The following SMIM19 variants were observed in gnomAD, a reference collection of about 807,000 sequenced individuals.
SMIM19 encodes the protein UPF0697 protein C8orf40.
SMIM19 carries 6 observed loss-of-function variants against 13.2 expected under a neutral mutation model. That is an observed-to-expected ratio of 0.45 (90% CI 0.25 to 0.90). The LOEUF (loss-of-function observed/expected upper bound fraction) is 0.90, where lower values mean the gene tolerates loss of function less well. Among genes scored for constraint, SMIM19 ranks in the 40% least tolerant of loss-of-function variants. The probability of loss-of-function intolerance (pLI) is 0.19; values close to 1 mark genes in which losing one functional copy is unlikely to be tolerated. For missense variants in SMIM19, 138 were observed against 131.0 expected (o/e 1.05, Z -0.26); for synonymous variants, 46 against 43.1 (o/e 1.07, Z -0.27).
Position 42,553,373 on chromosome 8 carries a change from C to T in SMIM19, c.*765C>T, listed in dbSNP as rs1466580346. 1 of 152,204 alleles carries T rather than the reference C, an allele frequency of 6.6e-6. No individual in the cohort carries two copies. Among genetic ancestry groups the T allele is most frequent in the Non-Finnish European group, 1.5e-5 (1 of 68,066 alleles). 9.4% of individuals were successfully genotyped at this position (152,204 alleles called of 1,614,324 possible). A position where few individuals can be genotyped will look rare whatever the true frequency, so the allele number is the denominator to read the frequency against. ...TTCTACCAGGTAGCTCTACTTTAGG[C>T]CATACTGGGGACCTGCTGTTGAATA... On this transcript the variant is annotated 3_prime_UTR_variant, in exon 4 of 4. Coordinates refer to ENST00000417410, the MANE Select transcript of SMIM19 (RefSeq NM_001135674.2).
intron 1 of SMIM19, among the ~76,000 whole-genome samples, chr8:42,544,077 C>T (rs1813389200): frequency 6.6e-6 from 1 of 152,158 alleles, no homozygotes; most frequent in Admixed American, 6.5e-5. Context: ...CAGAGGAACT[C>T]TGGAATTTAG....
intron 2 of SMIM19, chr8:42,548,402 G>C: frequency 1.9e-6 from 1 of 529,334 alleles, no homozygotes. Flanking sequence ...GGATTGAGGA[G>C]AATCACAATG....
At chr8:42,542,797 C>G (rs1313702178) in intron 1 of SMIM19, among the ~76,000 whole-genome samples, 2 of 148,374 alleles carry the variant, frequency 1.3e-5, no homozygotes, top group Non-Finnish European at 3.0e-5. Context: ...CGACCCCCAC[C>G]CCACCCCCGT....
At chr8:42,550,387 G>A (rs551540931) in intron 3 of SMIM19, among the ~76,000 whole-genome samples, 4 of 152,296 alleles carry the variant, frequency 2.6e-5, no homozygotes, top group African/African-American at 9.6e-5. Context: ...TCACGGTTCG[G>A]TGGGTTAGAA....
chr8:42,554,448 TAAAC>T lies in SMIM19; in HGVS notation c.*1841_*1844del, dbSNP rs1305270947. ...GATGTGTAAAATTAATGTACATAAA[TAAAC>T]GTAAGTCACACAATGAATTTCCTTT... On this transcript the variant is annotated 3_prime_UTR_variant, in exon 4 of 4. Transcript: ENST00000417410. 6.6e-6 allele frequency: 1 copy of T among 152,188 alleles called. No individual in the cohort carries two copies. The highest frequency in any genetic ancestry group is 2.4e-5 in the African/African-American group (1 of 41,446). 9.4% of individuals were successfully genotyped at this position (152,188 alleles called of 1,614,324 possible).
chr8:42,542,997 A>ACTTTT (rs1813320855), intron 1 of SMIM19, among the ~76,000 whole-genome samples: 1 of 151,412 alleles, frequency 6.6e-6, no homozygotes, highest in Non-Finnish European at 1.5e-5. Flanking sequence ...AAAAAAAAAA[A>ACTTTT]AGTAGTTCTC....
At chr8:42,543,957 A>G (rs1281350389) in intron 1 of SMIM19, among the ~76,000 whole-genome samples, 1 of 152,182 alleles carries the variant, frequency 6.6e-6, no homozygotes, top group African/African-American at 2.4e-5. Context: ...TTTGGCACCA[A>G]CGAAGTTTGA....
chr8:42,549,707 A>G (rs1813603594), intron 3 of SMIM19, among the ~76,000 whole-genome samples: 1 of 152,184 alleles, frequency 6.6e-6, no homozygotes, highest in South Asian at 2.1e-4. Flanking sequence ...TGTACACTTA[A>G]AAATGGTTAA....
At position 42,542,837 on chromosome 8, in the gene SMIM19, A is replaced by G; in HGVS notation, c.-5+464A>G. 1.3e-5 allele frequency among the ~76,000 whole-genome samples: 2 copies of G among 151,104 alleles called. 1 individual carries two copies. The highest frequency in any genetic ancestry group is 2.9e-5 in the Non-Finnish European group (2 of 67,848). On this transcript the variant is annotated intron_variant, in intron 1 of 3. Coordinates refer to ENST00000417410, the MANE Select transcript of SMIM19 (RefSeq NM_001135674.2). ...AAAAAAAAAAAAATAAGAATTACCC[A>G]GGCATGGTGGCACTTGCCTGTATTC... is the stretch of plus-strand genomic sequence containing the variant.
Position 42,553,052 on chromosome 8 carries a change from CT to C in SMIM19, c.*463del, listed in dbSNP as rs35145052. On this transcript the variant is annotated 3_prime_UTR_variant, in exon 4 of 4. Transcript: ENST00000417410. ...ACAGATTAATTTGTTGTTAACAGCTCTTTTTTTTTTTTTTTTTTTGAGACAG... is the reference window on the plus strand; with the variant it reads ...ACAGATTAATTTGTTGTTAACAGCTCTTTTTTTTTTTTTTTTTTGAGACAG... 0.44 allele frequency: 53,492 copies of C among 121,272 alleles called. 9,842 individuals are homozygous for C. Among genetic ancestry groups the C allele is most frequent in the Middle Eastern group, 0.51 (126 of 246 alleles). The allele number at this position is 121,272 out of a possible 1,614,324, so 7.5% of individuals were successfully genotyped here. A position where few individuals can be genotyped will look rare whatever the true frequency, so the allele number is the denominator to read the frequency against.
chr8:42,550,434 C>T (rs1813636234), intron 3 of SMIM19, among the ~76,000 whole-genome samples: 1 of 152,098 alleles, frequency 6.6e-6, no homozygotes, highest in African/African-American at 2.4e-5. Flanking sequence ...CTTCAGGGTG[C>T]CTGCATGGTT....
At chr8:42,548,202 A>G (rs2131494411) in intron 2 of SMIM19, among the ~76,000 whole-genome samples, 1 of 152,354 alleles carries the variant, frequency 6.6e-6, no homozygotes, top group South Asian at 2.1e-4. Flanking sequence ...TTTTAAAAAG[A>G]TGTCTCCACT....
chr8:42,552,427 C>T (rs1024354807), intron 3 of SMIM19, 117 bp from the exon 4 acceptor site: 4 of 1,075,222 alleles, frequency 3.7e-6, no homozygotes. Flanking sequence ...CTGAAACAAA[C>T]AGACAAAAAC....
rs1458217696 is a variant in SMIM19 at position 42,541,649 on chromosome 8, G to A, written c.-729G>A. On this transcript the variant is annotated 5_prime_UTR_variant, in exon 1 of 4. Coordinates refer to ENST00000417410, the MANE Select transcript of SMIM19 (RefSeq NM_001135674.2). Reference sequence around the variant, plus strand: ...CCGCGCGCCCGGCCCCGACTCCGGGGTAAAGAGCCCCGGAGCGGAGCAGCG... The same window carrying A: ...CCGCGCGCCCGGCCCCGACTCCGGGATAAAGAGCCCCGGAGCGGAGCAGCG... 4.7e-5 allele frequency: 7 copies of A among 149,992 alleles called. No individual in the cohort carries two copies. Among genetic ancestry groups the A allele is most frequent in the Non-Finnish European group, 8.9e-5 (6 of 67,258 alleles). 9.3% of individuals were successfully genotyped at this position (149,992 alleles called of 1,614,324 possible). A position where few individuals can be genotyped will look rare whatever the true frequency, so the allele number is the denominator to read the frequency against.
chr8:42,544,433 G>A (rs1041639465), intron 1 of SMIM19, among the ~76,000 whole-genome samples: 4 of 144,298 alleles, frequency 2.8e-5, no homozygotes, highest in Middle Eastern at 3.7e-3. Flanking sequence ...AAAAAAAAAT[G>A]CCAAATGCCA....
At chr8:42,544,833 A>G (rs1813422797) in intron 1 of SMIM19, among the ~76,000 whole-genome samples, 1 of 152,236 alleles carries the variant, frequency 6.6e-6, no homozygotes, top group African/African-American at 2.4e-5. Context: ...GAGGCAAGCT[A>G]AAAGAAAGAA....
chr8:42,544,192 A>G (rs1392927692), intron 1 of SMIM19, among the ~76,000 whole-genome samples: 1 of 151,778 alleles, frequency 6.6e-6, no homozygotes, highest in African/African-American at 2.4e-5. Context: ...TGGGCGGATC[A>G]TGAGGTCAGG....
intron 3 of SMIM19, among the ~76,000 whole-genome samples, chr8:42,552,140 G>A (rs192532672): frequency 2.0e-5 from 3 of 151,968 alleles, no homozygotes; most frequent in East Asian, 1.9e-4. Context: ...ATTACTTAGC[G>A]GGGTACAGTG....
rs964189706 is a variant in SMIM19, at chr8:42,554,128, G to T, written c.*1520G>T. On this transcript the variant is annotated 3_prime_UTR_variant, in exon 4 of 4. Coordinates refer to ENST00000417410, the MANE Select transcript of SMIM19 (RefSeq NM_001135674.2). ...TTGCATTTACTTTTAAAAATGTGTT[G>T]TTCAAAAATGTATATATAGTACAAA... The T allele has an allele frequency of 3.3e-5, 5 of 152,092 alleles. No homozygotes were observed. Among genetic ancestry groups the T allele is most frequent in the African/African-American group, 9.7e-5 (4 of 41,426 alleles). 9.4% of individuals were successfully genotyped at this position (152,092 alleles called of 1,614,324 possible).
Sources: gnomAD v4.1 joint callset for allele counts (sites outside exome capture counted in the v4.1 genomes callset) on GRCh38, gnomAD v4.1.1 for gene constraint, MANE v1.5 for transcripts, NCBI Gene and HGNC (gene_info 2026-07-23, HGNC 2026-07-21) for gene names.